The following TPGS2 variants were observed in gnomAD, a reference collection of about 807,000 sequenced individuals.
TPGS2 encodes the protein polyglutamylase subunit 2.
Under a neutral mutation model 31.1 loss-of-function variants are expected in TPGS2, and 26 were observed. The observed-to-expected ratio is 0.84, with a 90% CI of 0.61 to 1.16. TPGS2 has a LOEUF of 1.16. TPGS2 is among the 50% of genes most tolerant of loss of function. The pLI is 0.00. For synonymous variants in TPGS2, 130 were observed against 136.6 expected (o/e 0.95, Z 0.34); for missense variants, 351 against 363.8 (o/e 0.96, Z 0.29).
intron 6 of TPGS2, chr18:36,786,969 GCCAGTCC>G: frequency 1.6e-6 from 2 of 1,234,370 alleles, no homozygotes; most frequent in Non-Finnish European, 2.0e-6. Context: ...TTTGCTTGTG[GCCAGTCC>G]CCATGCCTGC....
At chr18:36,813,505 C>G (rs1287589993) in intron 2 of TPGS2, among the ~76,000 whole-genome samples, 1 of 152,214 alleles carries the variant, frequency 6.6e-6, no homozygotes, top group Non-Finnish European at 1.5e-5. Context: ...ACCCTGTCAC[C>G]TGTTTTTGTA....
downstream of TPGS2, among the ~76,000 whole-genome samples, chr18:36,791,926 A>G (rs1187009728): frequency 6.6e-6 from 1 of 151,786 alleles, no homozygotes; most frequent in Non-Finnish European, 1.5e-5. Flanking sequence ...GGTACTTGAG[A>G]AACAGGTGGG....
At chr18:36,790,326 T>C (rs1161444025), downstream of TPGS2, among the ~76,000 whole-genome samples, 1 of 152,236 alleles carries the variant, frequency 6.6e-6, no homozygotes, top group Non-Finnish European at 1.5e-5. Context: ...TTCACCCTTA[T>C]CACCTGGGAA....
chr18:36,795,097 C>T lies in TPGS2; in HGVS notation c.*1708G>A. On this transcript the variant is annotated 3_prime_UTR_variant, in exon 7 of 7. Transcript: ENST00000334295. The stretch of plus-strand genomic sequence containing the variant: ...CCCTGATCCTTGAAGGCTAACTCTT[C>T]ACCTTGGTTTTCCTCAGGGGCTATG... The T allele has an allele frequency of 1.0e-6, 1 of 985,378 alleles. No individual in the cohort carries two copies. Among genetic ancestry groups the T allele is most frequent in the South Asian group, 4.7e-5 (1 of 21,290 alleles). 61.0% of individuals were successfully genotyped at this position (985,378 alleles called of 1,614,324 possible). A position where few individuals can be genotyped will look rare whatever the true frequency, so the allele number is the denominator to read the frequency against.
chr18:36,826,257 T>C (rs2046129470), intron 1 of TPGS2, among the ~76,000 whole-genome samples: 7 of 152,164 alleles, frequency 4.6e-5, no homozygotes, highest in Admixed American at 4.6e-4. Context: ...CAACTCCTGG[T>C]CTCAAGCAAT....
At position 36,796,869 on chromosome 18, in the gene TPGS2, G is replaced by A; in HGVS notation, c.839C>T (p.Ser280Phe). 1 of 1,610,312 alleles carries A rather than the reference G, an allele frequency of 6.2e-7. No individual in the cohort carries two copies. The highest frequency in any genetic ancestry group is 8.5e-7 in the Non-Finnish European group (1 of 1,178,898). The change falls in exon 7 of 7, where the codon TCC (serine) becomes TTC (phenylalanine). Residue 280 changes from serine (S) to phenylalanine (F), a missense_variant. Physicochemically the swap from Ser to Phe is radical, Grantham distance 155 (BLOSUM62 -2). Coordinates refer to ENST00000334295, the MANE Select transcript of TPGS2 (RefSeq NM_015476.4). ...AGGQKGPSGP[S>F]GPSTSSTSKS... ...AGAAGTGGAGGAAGTGGAGGGACCG[G>A]AGGGTCCTGAGGGCCCTTTCTGGCC...
intron 4 of TPGS2, among the ~76,000 whole-genome samples, chr18:36,803,891 G>GT (rs923034666): frequency 0.012 from 1,850 of 149,128 alleles, 32 homozygotes; most frequent in African/African-American, 0.041. Flanking sequence ...CTCTGGTTGT[G>GT]TTTTTTTTTT....
chr18:36,798,621 G>A lies in TPGS2; in HGVS notation c.497-12C>T, dbSNP rs2044648588. The A allele has an allele frequency of 6.2e-7, 1 of 1,609,142 alleles. No homozygotes were observed. The highest frequency in any genetic ancestry group is 1.7e-5 in the Admixed American group (1 of 59,732). On this transcript the variant is annotated splice_polypyrimidine_tract_variant and intron_variant, in intron 5 of 6. Transcript: ENST00000334295. ...GTCTTCTGCTAATGCTGAAGTAGAA[G>A]ACAAAGGAAGTAAAAGATAAAGAAT...
chr18:36,792,750 G>A (rs2044359297), downstream of TPGS2, among the ~76,000 whole-genome samples: 1 of 152,174 alleles, frequency 6.6e-6, no homozygotes, highest in Non-Finnish European at 1.5e-5. Context: ...GCTAGATTCT[G>A]TGGATTATCA....
downstream of TPGS2, among the ~76,000 whole-genome samples, chr18:36,780,527 A>T (rs1397606472): frequency 6.6e-6 from 1 of 152,234 alleles, no homozygotes; most frequent in Non-Finnish European, 1.5e-5. Flanking sequence ...GCATCACGTA[A>T]TGATGGGGAT....
chr18:36,806,850 T>TTAAA (rs2045163705), intron 3 of TPGS2, among the ~76,000 whole-genome samples: 1 of 37,330 alleles, frequency 2.7e-5, no homozygotes, highest in African/African-American at 1.5e-4. Flanking sequence ...GACTCCATCT[T>TTAAA]AAAAAAAAAA....
rs900021184 is a variant in TPGS2, at chr18:36,794,826, G to C, written c.*1979C>G. 1.1e-6 allele frequency: 1 copy of C among 919,646 alleles called. No individual in the cohort carries two copies. Among genetic ancestry groups the C allele is most frequent in the Non-Finnish European group, 1.3e-6 (1 of 787,050 alleles). 57.0% of individuals were successfully genotyped at this position (919,646 alleles called of 1,614,324 possible). On this transcript the variant is annotated 3_prime_UTR_variant, in exon 7 of 7. Transcript: ENST00000334295. ...AGAGAATATGTGACAGTCATGTTAT[G>C]GTTAAAACACACACACACACACACA...
At chr18:36,797,989 T>G in intron 6 of TPGS2, 10 of 203,408 alleles carry the variant, frequency 4.9e-5, no homozygotes, top group South Asian at 1.3e-4. Flanking sequence ...ACATTACACT[T>G]GAGATTTAGA....
At chr18:36,791,966 T>A (rs1235665659), downstream of TPGS2, among the ~76,000 whole-genome samples, 1 of 148,358 alleles carries the variant, frequency 6.7e-6, no homozygotes, top group Middle Eastern at 3.4e-3. Flanking sequence ...AAGTCAAGGC[T>A]GCAGTGAGCC....
rs1461308983 is a variant in TPGS2, at chr18:36,795,897, T to C, written c.*908A>G. 5.1e-6 allele frequency: 5 copies of C among 985,254 alleles called. No individual in the cohort carries two copies. In the African/African-American group the frequency reaches 8.7e-5, roughly 17 times the overall value. The allele number at this position is 985,254 out of a possible 1,614,324, so 61.0% of individuals were successfully genotyped here. ...TAACAGTGTCTGGCACCATTAAAAC[T>C]CTTTCTTTATGAAGAGTTGTGCAAA... On this transcript the variant is annotated 3_prime_UTR_variant, in exon 7 of 7. Coordinates refer to ENST00000334295, the MANE Select transcript of TPGS2 (RefSeq NM_015476.4).
At chr18:36,809,539 T>C (rs2045321201) in intron 2 of TPGS2, among the ~76,000 whole-genome samples, 1 of 152,212 alleles carries the variant, frequency 6.6e-6, no homozygotes, top group African/African-American at 2.4e-5. Context: ...ACTAATTTGT[T>C]TTCCTATTAT....
chr18:36,825,364 G>A (rs528687680), intron 1 of TPGS2, among the ~76,000 whole-genome samples: 1 of 150,816 alleles, frequency 6.6e-6, no homozygotes, highest in Non-Finnish European at 1.5e-5. Flanking sequence ...CCCGGGAGGC[G>A]GAGCTTGCAG....
chr18:36,828,594 AG>A, intron 1 of TPGS2, 88 bp downstream of exon 1: 8 of 1,422,068 alleles, frequency 5.6e-6, no homozygotes, highest in Non-Finnish European at 7.9e-6. Context: ...TTCTGGGGCC[AG>A]CGTCGCACCG....
chr18:36,812,394 C>T (rs2045469466), intron 2 of TPGS2, among the ~76,000 whole-genome samples: 1 of 152,110 alleles, frequency 6.6e-6, no homozygotes, highest in Non-Finnish European at 1.5e-5. Context: ...AGTTGATTAT[C>T]AATGGCCCAT....
Sources: allele counts gnomAD v4.1 joint callset (sites outside exome capture counted in the v4.1 genomes callset), GRCh38; gene constraint gnomAD v4.1.1; transcripts MANE v1.5; gene names NCBI Gene and HGNC (gene_info 2026-07-23, HGNC 2026-07-21).